FAM193A: variants seen among roughly 807,000 people sequenced by gnomAD.
FAM193A encodes the protein protein FAM193A.
In FAM193A, 22 loss-of-function variants were observed where a neutral mutation model predicts 126.5. The observed-to-expected ratio is 0.17, with a 90% confidence interval of 0.12 to 0.25. The LOEUF (loss-of-function observed/expected upper bound fraction) is 0.25, where lower values mean the gene tolerates loss of function less well. FAM193A is among the 10% of genes least tolerant of loss of function. The probability of loss-of-function intolerance (pLI) is 1.00; values close to 1 mark genes in which losing one functional copy is unlikely to be tolerated. For missense variants in FAM193A, 1,675 were observed against 1,672.8 expected (o/e 1.00, Z -0.02); for synonymous variants, 761 against 646.8 (o/e 1.18, Z -2.68).
intron 2 of FAM193A, among the ~76,000 whole-genome samples, chr4:2,613,333 TAA>T (rs1741987721): frequency 1.3e-5 from 2 of 151,052 alleles, no homozygotes; most frequent in African/African-American, 2.4e-5. Context: ...AAATATACTC[TAA>T]AAAGTTTCAA....
At chr4:2,613,121 A>G (rs1741976334) in intron 2 of FAM193A, among the ~76,000 whole-genome samples, 1 of 152,164 alleles carries the variant, frequency 6.6e-6, no homozygotes, top group African/African-American at 2.4e-5. Context: ...TCAGTATATT[A>G]AAAACTTTAG....
chr4:2,547,215 C>G (rs1449270163), intron 1 of FAM193A, among the ~76,000 whole-genome samples: 1 of 152,064 alleles, frequency 6.6e-6, no homozygotes, highest in Non-Finnish European at 1.5e-5. Flanking sequence ...TGGTGAAACC[C>G]CGTCTCTACT....
At chr4:2,685,050 A>G (rs531288359) in intron 13 of FAM193A, among the ~76,000 whole-genome samples, 8 of 152,186 alleles carry the variant, frequency 5.3e-5, no homozygotes, top group Non-Finnish European at 1.0e-4. Context: ...TTTTCATCCA[A>G]CACGGAGGAT....
In FAM193A at chr4:2,693,643, C is replaced by T. The variant is rs755216001; in HGVS notation, c.2861C>T (p.Pro954Leu). Reference sequence around the variant, plus strand: ...CACAGACACTCGGCCCCAGCCGCCCCGAGGAATAGCCCCACGGGCTTGGCC... The same window carrying T: ...CACAGACACTCGGCCCCAGCCGCCCTGAGGAATAGCCCCACGGGCTTGGCC... ...EDHRHSAPAA[P>L]RNSPTGLAPL... Residue 954 changes from proline to leucine, a missense_variant, in exon 16 of 21, where the codon CCG becomes CTG. Physicochemically the swap from Pro to Leu is moderately conservative, Grantham distance 98. Coordinates refer to ENST00000637812, the MANE Select transcript of FAM193A (RefSeq NM_001366318.2). The T allele has an allele frequency of 6.8e-6, 11 of 1,614,192 alleles. No homozygotes were observed. Among genetic ancestry groups the T allele is most frequent in the South Asian group, 4.4e-5 (4 of 91,076 alleles).
intron 20 of FAM193A, among the ~76,000 whole-genome samples, chr4:2,722,087 A>G (rs910660872): frequency 1.6e-4 from 24 of 152,152 alleles, no homozygotes; most frequent in Non-Finnish European, 1.5e-5. Context: ...ATTACTCCAA[A>G]CCCTAGGGCT....
intron 19 of FAM193A, 100 bp from the exon 20 acceptor site, chr4:2,715,923 T>C (rs1719486485): frequency 1.3e-6 from 1 of 781,438 alleles, no homozygotes; most frequent in East Asian, 2.5e-5. Context: ...TTTACAATTT[T>C]TGAAGTTGTT....
chr4:2,646,816 C>G lies in FAM193A; in HGVS notation c.1295C>G (p.Ala432Gly), dbSNP rs1358272846. 1.2e-6 allele frequency: 2 copies of G among 1,612,710 alleles called. No homozygotes were observed. Among genetic ancestry groups the G allele is most frequent in the Non-Finnish European group, 1.7e-6 (2 of 1,179,392 alleles). Residue 432 changes from alanine (A) to glycine (G), a missense_variant, in exon 7 of 21, where the codon GCC becomes GGC. Physicochemically the swap from Ala to Gly is moderately conservative, Grantham distance 60. Transcript: ENST00000637812. The part of the protein sequence containing the change: ...EWLECQKRID[A>G]YVDEQMTMKT... ...CTGGAGTGCCAGAAGAGGATCGACGCCTATGTCGACGAGCAGGTGAGTGCC... is the reference window on the plus strand; with the variant it reads ...CTGGAGTGCCAGAAGAGGATCGACGGCTATGTCGACGAGCAGGTGAGTGCC...
At chr4:2,594,670 A>G (rs2108904740) in intron 1 of FAM193A, among the ~76,000 whole-genome samples, 1 of 152,212 alleles carries the variant, frequency 6.6e-6, no homozygotes, top group Non-Finnish European at 1.5e-5. Flanking sequence ...GTGCAGAGGC[A>G]GCCCTGTGTG....
intron 4 of FAM193A, among the ~76,000 whole-genome samples, chr4:2,629,847 A>G (rs750778975): frequency 1.7e-4 from 26 of 152,148 alleles, no homozygotes; most frequent in Non-Finnish European, 3.1e-4. Flanking sequence ...AATGTGCATT[A>G]TCGGCCGGGT....
At chr4:2,555,590 G>A (rs1738198339) in intron 1 of FAM193A, among the ~76,000 whole-genome samples, 1 of 152,154 alleles carries the variant, frequency 6.6e-6, no homozygotes, top group East Asian at 1.9e-4. Context: ...ACCAGCCTGG[G>A]CAACATAGTG....
chr4:2,598,163 G>T lies in FAM193A; in HGVS notation c.501+1834G>T, dbSNP rs192106698. 5.3e-5 allele frequency among the ~76,000 whole-genome samples: 8 copies of T among 152,312 alleles called. No homozygotes were observed. The East Asian group carries it at 1.4e-3, about 26-fold the overall frequency. ...CCGCCTCTGCCTTCCATAGTGCTGG[G>T]ATTATAGGCATGAGCCACCGCGCCT... On this transcript the variant is annotated intron_variant, in intron 2 of 20. Transcript: ENST00000637812.
intron 2 of FAM193A, among the ~76,000 whole-genome samples, chr4:2,599,891 A>T (rs1318056350): frequency 6.7e-6 from 1 of 148,978 alleles, no homozygotes; most frequent in African/African-American, 2.5e-5. Context: ...ATGCGCCATC[A>T]CACCTGGCTA....
chr4:2,608,572 A>G (rs911975318), intron 2 of FAM193A, among the ~76,000 whole-genome samples: 7 of 152,318 alleles, frequency 4.6e-5, no homozygotes, highest in Middle Eastern at 3.4e-3. Context: ...CGGGTCAGCA[A>G]TATGCCCATG....
At chr4:2,564,426 G>A (rs944653421) in intron 1 of FAM193A, among the ~76,000 whole-genome samples, 1 of 152,074 alleles carries the variant, frequency 6.6e-6, no homozygotes, top group Non-Finnish European at 1.5e-5. Flanking sequence ...AAAGGCTCTT[G>A]TCTGGGCTTC....
At chr4:2,731,011 C>G (rs1331486815) in intron 20 of FAM193A, among the ~76,000 whole-genome samples, 1 of 151,790 alleles carries the variant, frequency 6.6e-6, no homozygotes, top group African/African-American at 2.4e-5. Flanking sequence ...GCCTGGTCAA[C>G]ATGGTGAAAC....
chr4:2,572,640 G>C (rs1449450309), intron 1 of FAM193A, among the ~76,000 whole-genome samples: 1 of 152,118 alleles, frequency 6.6e-6, no homozygotes, highest in Non-Finnish European at 1.5e-5. Flanking sequence ...GCGACATGTT[G>C]CTGGTAGCTG....
At chr4:2,607,623 A>C (rs921085750) in intron 2 of FAM193A, among the ~76,000 whole-genome samples, 2 of 152,168 alleles carry the variant, frequency 1.3e-5, no homozygotes, top group African/African-American at 4.8e-5. Flanking sequence ...TTTCCCTTCT[A>C]ATTCTTCATT....
chr4:2,584,121 A>C (rs984121284), intron 1 of FAM193A, among the ~76,000 whole-genome samples: 3 of 152,098 alleles, frequency 2.0e-5, no homozygotes, highest in African/African-American at 4.8e-5. Context: ...ATCTATTTCA[A>C]CTTAATTTTG....
Position 2,661,700 on chromosome 4 carries a change from G to C in FAM193A, c.1746-1138G>C, listed in dbSNP as rs546812863. ...ACTCTTCACTCATTCTAGGAAGTGAGATCACGACGAGTTCCTAGGGTTTTG... is the reference window on the plus strand; with the variant it reads ...ACTCTTCACTCATTCTAGGAAGTGACATCACGACGAGTTCCTAGGGTTTTG... On this transcript the variant is annotated intron_variant, in intron 10 of 20. Transcript: ENST00000637812. Among the ~76,000 whole-genome samples, 4 of 152,332 alleles carry C rather than the reference G, an allele frequency of 2.6e-5. No individual in the cohort carries two copies. The South Asian group carries it at 6.2e-4, about 24-fold the overall frequency.
Sources: allele counts gnomAD v4.1 joint callset (sites outside exome capture counted in the v4.1 genomes callset), GRCh38; gene constraint gnomAD v4.1.1; transcripts MANE v1.5; gene names NCBI Gene and HGNC (gene_info 2026-07-23, HGNC 2026-07-21).